The following MAPK14 variants were observed in gnomAD, a reference collection of about 807,000 sequenced individuals.
MAPK14 encodes mitogen-activated protein kinase 14, also known as CSAID-binding protein.
In MAPK14, 16 loss-of-function variants were observed where a neutral mutation model predicts 49.6. The observed-to-expected ratio is 0.32, with a 90% confidence interval of 0.22 to 0.49. MAPK14 has a LOEUF of 0.49. Among genes scored for constraint, MAPK14 ranks in the 20% least tolerant of loss-of-function variants. MAPK14 has a pLI of 0.99. For synonymous variants in MAPK14, 142 were observed against 158.0 expected (o/e 0.90, Z 0.76); for missense variants, 200 against 441.2 (o/e 0.45, Z 4.90).
At chr6:36,117,375 C>T in the MAPK14 span, among the ~76,000 whole-genome samples, 5 of 152,218 alleles carry the variant, frequency 3.3e-5, no homozygotes, top group South Asian at 2.1e-4. Context: ...GGTCTTTGTG[C>T]GTGATAGTCC....
intron 11 of MAPK14, among the ~76,000 whole-genome samples, 182 bp from the exon 12 acceptor site, chr6:36,108,198 A>G (rs1765856775): frequency 6.6e-6 from 1 of 152,216 alleles, no homozygotes; most frequent in Non-Finnish European, 1.5e-5. Context: ...GTTCTTTTCT[A>G]TGTCCCTTGA....
chr6:36,052,583 C>A, intron 1 of MAPK14, 116 bp from the exon 2 acceptor site: 1 of 877,874 alleles, frequency 1.1e-6, no homozygotes, highest in Non-Finnish European at 1.6e-6. Context: ...TATCTTTATG[C>A]TTTTTTTTGG....
At chr6:36,072,195 G>C (rs1297080570) in intron 3 of MAPK14, among the ~76,000 whole-genome samples, 2 of 152,044 alleles carry the variant, frequency 1.3e-5, no homozygotes, top group Admixed American at 1.3e-4. Flanking sequence ...AAAATTAGCT[G>C]TGCGTGGTGG....
chr6:36,102,342 C>T (rs1248781974), intron 9 of MAPK14, among the ~76,000 whole-genome samples: 2 of 152,150 alleles, frequency 1.3e-5, no homozygotes, highest in East Asian at 1.9e-4. Context: ...TGAGCATTCT[C>T]GTTCACTTGA....
At chr6:36,056,442 C>G (rs1232796607) in intron 2 of MAPK14, among the ~76,000 whole-genome samples, 3 of 152,320 alleles carry the variant, frequency 2.0e-5, no homozygotes, top group Admixed American at 2.0e-4. Flanking sequence ...AACAGCCATT[C>G]ATTGAACTCC....
At chr6:36,123,624 G>T in the MAPK14 span, among the ~76,000 whole-genome samples, 3 of 152,230 alleles carry the variant, frequency 2.0e-5, no homozygotes, top group African/African-American at 7.2e-5. Context: ...GCTACAATGG[G>T]CCAGGCACAG....
intron 1 of MAPK14, among the ~76,000 whole-genome samples, chr6:36,045,808 CAAAAAAAAAAAA>C (rs371920281): frequency 8.6e-5 from 4 of 46,386 alleles, no homozygotes; most frequent in East Asian, 6.6e-4. Context: ...GACTCTGTCT[CAAAAAAAAAAAA>C]AAAAAAAAAA....
chr6:36,083,088 G>C (rs534707343), intron 8 of MAPK14, among the ~76,000 whole-genome samples: 155 of 152,286 alleles, frequency 1.0e-3, no homozygotes, highest in African/African-American at 3.4e-3. Context: ...TGCAATCAGA[G>C]GCTTCCAACA....
In MAPK14 at chr6:36,027,998, C is replaced by A; in HGVS notation, c.-160C>A. The A allele has an allele frequency of 2.2e-6, 1 of 448,146 alleles. No homozygotes were observed. Among genetic ancestry groups the A allele is most frequent in the Non-Finnish European group, 3.9e-6 (1 of 256,284 alleles). The allele number at this position is 448,146 out of a possible 1,614,324, so 27.8% of individuals were successfully genotyped here. On this transcript the variant is annotated 5_prime_UTR_variant, in exon 1 of 12. Transcript: ENST00000229794. The stretch of plus-strand genomic sequence containing the variant: ...CAGCCGCTGCGGCTGACAGCAGCCG[C>A]GCGCGCGGGAGTCTGCGGGGTCGCG...
chr6:36,042,145 G>C (rs2127404083), intron 1 of MAPK14, among the ~76,000 whole-genome samples: 1 of 152,332 alleles, frequency 6.6e-6, no homozygotes, highest in South Asian at 2.1e-4. Context: ...TTGTGCTTCA[G>C]ACTCACTTGT....
At chr6:36,078,998 G>A (rs1478566943) in intron 8 of MAPK14, among the ~76,000 whole-genome samples, 1 of 152,156 alleles carries the variant, frequency 6.6e-6, no homozygotes, top group African/African-American at 2.4e-5. Flanking sequence ...TGTTGTCATG[G>A]GTCAAAGCAC....
intron 9 of MAPK14, chr6:36,097,122 G>A (rs577131083): frequency 2.6e-5 from 4 of 152,170 alleles, no homozygotes; most frequent in African/African-American, 4.8e-5. Context: ...AAAGAATACC[G>A]TCATCTGGTA....
At chr6:36,076,683 T>C in intron 8 of MAPK14, 75 bp downstream of exon 8, 1 of 1,122,164 alleles carries the variant, frequency 8.9e-7, no homozygotes, top group South Asian at 1.3e-5. Flanking sequence ...TCCTTTTACT[T>C]ATCTCTAGGG....
At chr6:36,114,382 C>A (rs562834229), downstream of MAPK14, among the ~76,000 whole-genome samples, 1 of 152,024 alleles carries the variant, frequency 6.6e-6, no homozygotes, top group Non-Finnish European at 1.5e-5. Flanking sequence ...TTTGGGAGGC[C>A]GAGGTGGGCG....
At chr6:36,086,948 C>T (rs1057161728) in intron 8 of MAPK14, among the ~76,000 whole-genome samples, 2 of 152,190 alleles carry the variant, frequency 1.3e-5, no homozygotes, top group Admixed American at 6.5e-5. Context: ...CCATCCACCA[C>T]GGTCAAGTCA....
intron 1 of MAPK14, among the ~76,000 whole-genome samples, chr6:36,040,446 G>A (rs1035644700): frequency 2.0e-5 from 3 of 152,104 alleles, no homozygotes; most frequent in Non-Finnish European, 2.9e-5. Context: ...CTGCAAAAAG[G>A]CAGAAATGCT....
At chr6:36,054,677 A>G (rs1421874119) in intron 2 of MAPK14, among the ~76,000 whole-genome samples, 1 of 152,220 alleles carries the variant, frequency 6.6e-6, no homozygotes, top group Non-Finnish European at 1.5e-5. Context: ...ATTTTAGCCT[A>G]TTTTGAAAAC....
intron 8 of MAPK14, among the ~76,000 whole-genome samples, chr6:36,091,329 T>C (rs2127462417): frequency 6.6e-6 from 1 of 152,366 alleles, no homozygotes; most frequent in African/African-American, 2.4e-5. Flanking sequence ...ATCTTAGGCT[T>C]AAGTTGTTCT....
Position 36,111,015 on chromosome 6 carries a change from C to T in MAPK14, c.*2568C>T, listed in dbSNP as rs1320448678. 1 of 152,234 alleles carries T rather than the reference C, an allele frequency of 6.6e-6. No individual in the cohort carries two copies. The highest frequency in any genetic ancestry group is 6.5e-5 in the Admixed American group (1 of 15,282). The allele number at this position is 152,234 out of a possible 1,614,324, so 9.4% of individuals were successfully genotyped here. A position where few individuals can be genotyped will look rare whatever the true frequency, so the allele number is the denominator to read the frequency against. ...TAAGCATTGGGGCCTGTCTTATCTA[C>T]ACTCGAGTGTAAGAGTGGCCGAAAT... On this transcript the variant is annotated 3_prime_UTR_variant, in exon 12 of 12. Transcript: ENST00000229794.
Sources: allele counts gnomAD v4.1 joint callset (sites outside exome capture counted in the v4.1 genomes callset), GRCh38; gene constraint gnomAD v4.1.1; transcripts MANE v1.5; gene names NCBI Gene and HGNC (gene_info 2026-07-23, HGNC 2026-07-21).